FBXO31: variants seen among roughly 807,000 people sequenced by gnomAD.
The protein encoded by FBXO31 is F-box only protein 31.
In FBXO31, 24 loss-of-function variants were observed where a neutral mutation model predicts 54.4. The ratio of observed to expected loss-of-function variants is 0.44; its 90% CI spans 0.32 to 0.62. The LOEUF (loss-of-function observed/expected upper bound fraction) is 0.62, where lower values mean the gene tolerates loss of function less well. FBXO31 is among the 20% of genes least tolerant of loss of function. The probability of loss-of-function intolerance (pLI) is 0.05; values close to 1 mark genes in which losing one functional copy is unlikely to be tolerated. For missense variants in FBXO31, 665 were observed against 787.1 expected (o/e 0.84, Z 1.86); for synonymous variants, 388 against 335.6 (o/e 1.16, Z -1.71).
In FBXO31 at chr16:87,334,184, A is replaced by C; in HGVS notation, c.1099T>G (p.Ser367Ala). ...LENQRNFNEL[S>A]RIVLEVRERV... ...TCGCGCACCTCCAGGACGATGCGGGAGAGCTCATTGAAGTTGCGCTGGTTC... is the reference window on the plus strand; with the variant it reads ...TCGCGCACCTCCAGGACGATGCGGGCGAGCTCATTGAAGTTGCGCTGGTTC... Residue 367 changes from serine to alanine, a missense_variant, in exon 8 of 9, where the codon TCC (serine) becomes GCC (alanine). Physicochemically the swap from Ser to Ala is moderately conservative, Grantham distance 99 (BLOSUM62 1). Around this residue, in one of 4 missense-constraint regions of FBXO31, gnomAD observed 165 missense variants for 159.7 expected, o/e 1.03. Coordinates refer to ENST00000311635, the MANE Select transcript of FBXO31 (RefSeq NM_024735.5). 6.2e-7 allele frequency: 1 copy of C among 1,612,790 alleles called. No homozygotes were observed. Among genetic ancestry groups the C allele is most frequent in the Non-Finnish European group, 8.5e-7 (1 of 1,179,746 alleles).
chr16:87,364,148 T>C (rs1243130082), intron 1 of FBXO31, among the ~76,000 whole-genome samples: 3 of 152,202 alleles, frequency 2.0e-5, no homozygotes, highest in Non-Finnish European at 4.4e-5. Flanking sequence ...TCCAGATATT[T>C]CTGTCAAGTC....
intron 8 of FBXO31, 78 bp downstream of exon 8, chr16:87,333,807 GT>G: frequency 6.7e-7 from 1 of 1,490,568 alleles, no homozygotes; most frequent in East Asian, 2.3e-5. Context: ...CTCTCCGCCT[GT>G]GCTAGGTGTG....
chr16:87,347,935 A>G (rs1416397403), intron 2 of FBXO31, among the ~76,000 whole-genome samples: 1 of 152,194 alleles, frequency 6.6e-6, no homozygotes, highest in Non-Finnish European at 1.5e-5. Context: ...CAACAATGAC[A>G]ATGTCACACT....
At chr16:87,382,320 G>C (rs1234775127) in intron 1 of FBXO31, among the ~76,000 whole-genome samples, 1 of 152,198 alleles carries the variant, frequency 6.6e-6, no homozygotes, top group Non-Finnish European at 1.5e-5. Flanking sequence ...AAAATGTTAA[G>C]AGTGGTTTAT....
chr16:87,384,669 G>A (rs1907263533), upstream of FBXO31, among the ~76,000 whole-genome samples: 1 of 152,262 alleles, frequency 6.6e-6, no homozygotes, highest in Non-Finnish European at 1.5e-5. Flanking sequence ...GGAGGCCCAG[G>A]CGGGAGTATC....
At position 87,343,586 on chromosome 16, in the gene FBXO31, C is replaced by A; in HGVS notation, c.657+12G>T. On this transcript the variant is annotated intron_variant, in intron 4 of 8. Transcript: ENST00000311635. ...TGGGACAGTGAGGACCCAGCCCCGC[C>A]GCTGCACACACCTGGATGTGGCCGT... The A allele has an allele frequency of 1.3e-6, 2 of 1,593,172 alleles. No homozygotes were observed. Among genetic ancestry groups the A allele is most frequent in the African/African-American group, 2.7e-5 (2 of 74,430 alleles).
In FBXO31 at chr16:87,331,212, G is replaced by T; in HGVS notation, c.*76C>A. The T allele has an allele frequency of 6.8e-7, 1 of 1,460,086 alleles. No individual in the cohort carries two copies. Among genetic ancestry groups the T allele is most frequent in the Non-Finnish European group, 9.5e-7 (1 of 1,052,572 alleles). 90.4% of individuals were successfully genotyped at this position (1,460,086 alleles called of 1,614,324 possible). A position where few individuals can be genotyped will look rare whatever the true frequency, so the allele number is the denominator to read the frequency against. On this transcript the variant is annotated 3_prime_UTR_variant, in exon 9 of 9. Coordinates refer to ENST00000311635, the MANE Select transcript of FBXO31 (RefSeq NM_024735.5). ...GGTCAAAAGGCCGGATTTCCAAAGT[G>T]CATGCTGCTTCTATTCACAGGTCAG...
intron 1 of FBXO31, among the ~76,000 whole-genome samples, chr16:87,368,830 G>A (rs537422791): frequency 6.6e-6 from 1 of 151,970 alleles, no homozygotes; most frequent in Non-Finnish European, 1.5e-5. Context: ...ATAGAGTTTC[G>A]CTCTTGTTGC....
At chr16:87,389,261 T>C (rs570665147) in intron 1 of FBXO31, among the ~76,000 whole-genome samples, 1 of 152,292 alleles carries the variant, frequency 6.6e-6, no homozygotes, top group African/African-American at 2.4e-5. Flanking sequence ...CTGAGAGCCA[T>C]GGAAGGATAT....
At chr16:87,365,010 A>AAAATATATATATATATATAT (rs1233086176) in intron 1 of FBXO31, among the ~76,000 whole-genome samples, 2 of 47,684 alleles carry the variant, frequency 4.2e-5, no homozygotes, top group African/African-American at 1.0e-4. Context: ...CCGTCTCTTA[A>AAAATATATATATATATATAT]ATATATATAT....
chr16:87,350,732 A>G (rs995975451), intron 2 of FBXO31, among the ~76,000 whole-genome samples: 2 of 151,676 alleles, frequency 1.3e-5, no homozygotes, highest in South Asian at 2.1e-4. Flanking sequence ...TAAAAAAAAA[A>G]CACTATTCAG....
Position 87,331,372 on chromosome 16 carries a change from G to A in FBXO31, c.1536C>T (p.Val512=). Residue 512 remains valine, a synonymous_variant, in exon 9 of 9, where the codon GTC becomes GTT. Coordinates refer to ENST00000311635, the MANE Select transcript of FBXO31 (RefSeq NM_024735.5). ...ELKSFSLYSR[V]QATFRNADAP... is the part of the protein sequence containing the mutation. The stretch of plus-strand genomic sequence containing the variant: ...CATCTGCGTTCCGGAAGGTGGCCTG[G>A]ACCCGGCTGTACAGGCTGAAGGATT... 6.2e-7 allele frequency: 1 copy of A among 1,613,966 alleles called. No individual in the cohort carries two copies.
chr16:87,336,499 C>T lies in FBXO31; in HGVS notation c.733-235G>A, dbSNP rs1417882353. ...AAAGTGAAGGTTCCGGGCCCTTGGT[C>T]TGCTGGGTCGGAGGCAGCAGGGGCT... On this transcript the variant is annotated intron_variant, in intron 5 of 8. Coordinates refer to ENST00000311635, the MANE Select transcript of FBXO31 (RefSeq NM_024735.5). This position sits in a 1 kb window ranked among gnomAD's most constrained non-coding sequence, Gnocchi z 6.5. Among the ~76,000 whole-genome samples the T allele has an allele frequency of 2.0e-5, 3 of 152,194 alleles. No individual in the cohort carries two copies. The highest frequency in any genetic ancestry group is 4.8e-5 in the African/African-American group (2 of 41,448).
At chr16:87,354,336 G>T (rs1330907455) in intron 2 of FBXO31, among the ~76,000 whole-genome samples, 1 of 152,052 alleles carries the variant, frequency 6.6e-6, no homozygotes, top group Non-Finnish European at 1.5e-5. Context: ...TTAGCCAGGT[G>T]TGGTGGCACA....
chr16:87,374,206 C>T (rs962718819), intron 1 of FBXO31, among the ~76,000 whole-genome samples: 1 of 151,372 alleles, frequency 6.6e-6, no homozygotes, highest in Non-Finnish European at 1.5e-5. Flanking sequence ...CGCGCCACTA[C>T]ACTCCAACCT....
chr16:87,347,680 C>CAAAAA (rs34496343), intron 2 of FBXO31, among the ~76,000 whole-genome samples: 1 of 59,010 alleles, frequency 1.7e-5, no homozygotes, highest in African/African-American at 6.6e-5. Context: ...ACTCAGTCTC[C>CAAAAA]AAAAAAAAAA....
intron 2 of FBXO31, among the ~76,000 whole-genome samples, chr16:87,356,874 C>T (rs912368175): frequency 1.1e-4 from 17 of 152,128 alleles, no homozygotes; most frequent in African/African-American, 3.6e-4. Context: ...GCTTTTAGGG[C>T]AGGTAGGTGT....
At chr16:87,375,718 C>T (rs184023442) in intron 1 of FBXO31, among the ~76,000 whole-genome samples, 1 of 152,158 alleles carries the variant, frequency 6.6e-6, no homozygotes, top group Non-Finnish European at 1.5e-5. Context: ...GGGTCCCACA[C>T]CCACCCTGCC....
rs1027541984 is a variant in FBXO31, at chr16:87,328,543, C to G, written c.*2745G>C. On this transcript the variant is annotated 3_prime_UTR_variant, in exon 9 of 9. Transcript: ENST00000311635. The stretch of plus-strand genomic sequence containing the variant: ...CCAGGTGGGCTGAGGGACCCCAATA[C>G]CACCTGCCTTGAATCTCAGCCTGCA... The G allele has an allele frequency of 1.3e-5, 2 of 152,298 alleles. No homozygotes were observed. Among genetic ancestry groups the G allele is most frequent in the African/African-American group, 4.8e-5 (2 of 41,480 alleles). The allele number at this position is 152,298 out of a possible 1,614,324, so 9.4% of individuals were successfully genotyped here. A position where few individuals can be genotyped will look rare whatever the true frequency, so the allele number is the denominator to read the frequency against.
Sources: allele counts gnomAD v4.1 joint callset (sites outside exome capture counted in the v4.1 genomes callset), GRCh38; gene constraint gnomAD v4.1.1; regional missense constraint gnomAD v4.1.1; non-coding constraint Gnocchi (gnomAD v3.1); transcripts MANE v1.5; gene names NCBI Gene and HGNC (gene_info 2026-07-23, HGNC 2026-07-21).